Variants in PTPRE observed in about 807,000 individuals in gnomAD.
The protein encoded by PTPRE is receptor-type tyrosine-protein phosphatase epsilon.
A neutral mutation model predicts 102.0 loss-of-function variants in PTPRE; 51 were observed. The observed-to-expected ratio is 0.50, with a 90% CI of 0.40 to 0.63. The LOEUF is 0.63. Among genes scored for constraint, PTPRE ranks in the 30% least tolerant of loss-of-function variants. PTPRE has a pLI of 0.00. For synonymous variants in PTPRE, 345 were observed against 348.2 expected (o/e 0.99, Z 0.10); for missense variants, 752 against 915.1 (o/e 0.82, Z 2.30).
intron 1 of PTPRE, among the ~76,000 whole-genome samples, chr10:127,957,814 A>G (rs930152380): frequency 6.6e-6 from 1 of 152,216 alleles, no homozygotes; most frequent in African/African-American, 2.4e-5. Flanking sequence ...GACAGTTTTA[A>G]ATTTGTTTAT....
chr10:128,063,307 C>A, intron 10 of PTPRE, 127 bp downstream of exon 10: 1 of 1,468,198 alleles, frequency 6.8e-7, no homozygotes, highest in Non-Finnish European at 9.1e-7. Context: ...GAAAAAAACC[C>A]AAACACATGC....
At chr10:127,958,998 G>A (rs1424371773) in intron 1 of PTPRE, among the ~76,000 whole-genome samples, 1 of 150,328 alleles carries the variant, frequency 6.7e-6, no homozygotes, top group Non-Finnish European at 1.5e-5. Context: ...CTGGGTTCAA[G>A]CGATTCTCCC....
At chr10:127,938,722 T>C (rs2135277848) in intron 1 of PTPRE, among the ~76,000 whole-genome samples, 1 of 152,324 alleles carries the variant, frequency 6.6e-6, no homozygotes, top group South Asian at 2.1e-4. Flanking sequence ...TTGGAGTGTG[T>C]AAATTGATAA....
intron 2 of PTPRE, among the ~76,000 whole-genome samples, chr10:128,014,710 A>T (rs1200692084): frequency 2.6e-5 from 4 of 152,042 alleles, no homozygotes; most frequent in Non-Finnish European, 4.4e-5. Flanking sequence ...GCAATCCCCC[A>T]TCCCCCGTCT....
At chr10:128,065,974 C>T in intron 10 of PTPRE, 101 bp from the exon 11 acceptor site, 2 of 1,530,172 alleles carry the variant, frequency 1.3e-6, no homozygotes, top group Non-Finnish European at 1.8e-6. Flanking sequence ...AGCTGTGTGA[C>T]TCCAGCTGGT....
rs773837527 is a variant in PTPRE at position 128,070,861 on chromosome 10, G to A, written c.1347G>A (p.Pro449=). Residue 449 remains proline (P), a synonymous_variant, in exon 15 of 21, where the codon CCG becomes CCA. Transcript: ENST00000254667. The surrounding 1 kb of genome is among the most constrained non-coding windows in gnomAD (Gnocchi z 4.8). ...AGAACATGAGGACGGGCAACTTGCC[G>A]GCAAACATGAAGAAGGCCAGGGTCA... ...MKENMRTGNL[P]ANMKKARVIQ... 1.5e-5 allele frequency: 25 copies of A among 1,614,036 alleles called. No homozygotes were observed. The highest frequency in any genetic ancestry group is 5.3e-5 in the African/African-American group (4 of 74,942).
rs748011312 is a variant in PTPRE at position 128,040,856 on chromosome 10, T to C, written c.-7-19T>C. 3.7e-6 allele frequency: 6 copies of C among 1,605,264 alleles called. No homozygotes were observed. In the South Asian group the frequency reaches 6.6e-5, roughly 18 times the overall value. On this transcript the variant is annotated intron_variant, in intron 2 of 20. Coordinates refer to ENST00000254667, the MANE Select transcript of PTPRE (RefSeq NM_006504.6). ...GCTGCTGCTGGATGACCTCTGAGCCTGTCCCTGCCTCTCTGCAGGTCCACC... is the reference window on the plus strand; with the variant it reads ...GCTGCTGCTGGATGACCTCTGAGCCCGTCCCTGCCTCTCTGCAGGTCCACC...
At chr10:127,994,445 C>G (rs1357285290) in intron 2 of PTPRE, among the ~76,000 whole-genome samples, 1 of 152,228 alleles carries the variant, frequency 6.6e-6, no homozygotes, top group Non-Finnish European at 1.5e-5. Flanking sequence ...CCCATTTTCT[C>G]ACCCGCAAGA....
intron 1 of PTPRE, among the ~76,000 whole-genome samples, chr10:127,921,223 C>A (rs1382824956): frequency 1.3e-5 from 2 of 152,222 alleles, no homozygotes; most frequent in Non-Finnish European, 2.9e-5. Context: ...AGCACTTGGA[C>A]ATGTTAACTC....
chr10:128,024,861 G>A (rs759248449), intron 2 of PTPRE, among the ~76,000 whole-genome samples: 28 of 152,226 alleles, frequency 1.8e-4, no homozygotes, highest in Non-Finnish European at 2.5e-4. Flanking sequence ...CTTCTGCAGT[G>A]TTTATATAAG....
At chr10:128,047,603 T>C (rs1848200136) in intron 4 of PTPRE, 114 bp downstream of exon 4, 2 of 1,613,216 alleles carry the variant, frequency 1.2e-6, no homozygotes, top group Non-Finnish European at 1.7e-6. Context: ...GCTGGGTGGC[T>C]GGGCCTGGGA....
chr10:128,076,822 G>T, intron 18 of PTPRE, 94 bp downstream of exon 18: 2 of 1,539,396 alleles, frequency 1.3e-6, no homozygotes, highest in Non-Finnish European at 8.8e-7. Flanking sequence ...ATGTGGCCCT[G>T]CACCTGTCCT....
intron 20 of PTPRE, among the ~76,000 whole-genome samples, chr10:128,080,752 G>C (rs1590262133): frequency 6.6e-6 from 1 of 152,206 alleles, no homozygotes; most frequent in Non-Finnish European, 1.5e-5. Context: ...TCTCTTGCCT[G>C]GTAACAGCTT....
intron 20 of PTPRE, among the ~76,000 whole-genome samples, chr10:128,081,331 C>T (rs1032177026): frequency 2.0e-5 from 3 of 152,166 alleles, no homozygotes; most frequent in African/African-American, 7.2e-5. Flanking sequence ...ATTTCAAAGG[C>T]CACAAGTACA....
rs769769366 is a variant in PTPRE at position 128,076,629 on chromosome 10, C to T, written c.1626C>T (p.Thr542=). Residue 542 remains threonine (T), a synonymous_variant, in exon 18 of 21, where the codon ACC becomes ACT. Transcript: ENST00000254667. ...EQDKCYQYWP[T]EGSVTHGEIT... ...ATAAATGCTACCAGTATTGGCCAAC[C>T]GAGGGCTCAGTTACTCATGGAGAAA... The T allele has an allele frequency of 2.0e-5, 32 of 1,608,786 alleles. No homozygotes were observed. Among genetic ancestry groups the T allele is most frequent in the Middle Eastern group, 1.6e-4 (1 of 6,072 alleles).
chr10:127,913,818 C>T (rs1324980481), intron 1 of PTPRE, among the ~76,000 whole-genome samples: 2 of 152,206 alleles, frequency 1.3e-5, no homozygotes, highest in African/African-American at 2.4e-5. Context: ...CCTACTTCCA[C>T]AATTTGATGT....
At chr10:128,035,117 G>A (rs1158868205) in intron 2 of PTPRE, among the ~76,000 whole-genome samples, 2 of 152,056 alleles carry the variant, frequency 1.3e-5, no homozygotes, top group Non-Finnish European at 2.9e-5. Context: ...CAAGTAGCTG[G>A]GACCACAGGC....
intron 12 of PTPRE, 40 bp from the exon 13 acceptor site, chr10:128,069,652 A>C: frequency 6.2e-7 from 1 of 1,611,252 alleles, no homozygotes; most frequent in Admixed American, 1.7e-5. Context: ...CTTCGGGAGG[A>C]GTGTGACTCA....
Position 128,008,692 on chromosome 10 carries a change from T to A in PTPRE, c.-8+26396T>A, listed in dbSNP as rs1447012313. ...CTACTGTGGTAATTCCGGCCAGGAC[T>A]CAAGGATGTAAGAAGTAGGAGACGC... On this transcript the variant is annotated intron_variant, in intron 2 of 20. Transcript: ENST00000254667. This position sits in a 1 kb window ranked among gnomAD's most constrained non-coding sequence, Gnocchi z 4.0. 3.9e-5 allele frequency among the ~76,000 whole-genome samples: 6 copies of A among 152,172 alleles called. No individual in the cohort carries two copies. The East Asian group carries it at 7.7e-4, about 20-fold the overall frequency.
Sources: allele counts gnomAD v4.1 joint callset (sites outside exome capture counted in the v4.1 genomes callset), GRCh38; gene constraint gnomAD v4.1.1; non-coding constraint Gnocchi (gnomAD v3.1); transcripts MANE v1.5; gene names NCBI Gene and HGNC (gene_info 2026-07-23, HGNC 2026-07-21).